The following POTEC variants were observed in gnomAD, a reference collection of about 807,000 sequenced individuals.
POTEC encodes the protein ANKRD26-like family B member 2.
A neutral mutation model predicts 62.0 loss-of-function variants in POTEC; 35 were observed. That is an observed-to-expected ratio of 0.56 (90% CI 0.43 to 0.75). The LOEUF (loss-of-function observed/expected upper bound fraction) is 0.75. Ranked by LOEUF, POTEC falls within the 30% of genes least tolerant of loss-of-function variation. The probability of loss-of-function intolerance (pLI) is 0.00; values close to 1 mark genes in which losing one functional copy is unlikely to be tolerated. For synonymous variants in POTEC, 156 were observed against 221.5 expected (o/e 0.70, Z 2.62); for missense variants, 472 against 655.9 (o/e 0.72, Z 3.06).
intron 6 of POTEC, among the ~76,000 whole-genome samples, chr18:14,526,648 T>C (rs1158077656): frequency 6.6e-6 from 1 of 151,958 alleles, no homozygotes; most frequent in East Asian, 1.9e-4. Context: ...AGAGTGAAAG[T>C]ATTTGCCTGC....
chr18:14,526,747 A>G (rs1910447537), intron 6 of POTEC, among the ~76,000 whole-genome samples: 1 of 152,202 alleles, frequency 6.6e-6, no homozygotes, highest in Non-Finnish European at 1.5e-5. Flanking sequence ...GATGTAGAGT[A>G]GGGCAGAAGT....
rs1450052006 is a variant in POTEC at position 14,525,680 on chromosome 18, A to G, written c.1127-697T>C. Reference sequence around the variant, plus strand: ...TATAAGCCAAGCCCTGTCTTTGTTCAGGGCTCAGGTTTTTGATGCAAATCC... The same window carrying G: ...TATAAGCCAAGCCCTGTCTTTGTTCGGGGCTCAGGTTTTTGATGCAAATCC... On this transcript the variant is annotated intron_variant, in intron 6 of 10. Transcript: ENST00000358970. Among the ~76,000 whole-genome samples the G allele has an allele frequency of 5.3e-5, 8 of 151,794 alleles. No homozygotes were observed. The East Asian group carries it at 1.2e-3, about 22-fold the overall frequency.
At position 14,524,436 on chromosome 18, in the gene POTEC, C is replaced by A. The variant is rs1224455983; in HGVS notation, c.1197+477G>T. ...CCGTGATTATTCTTCAACCATGAAT[C>A]CAGCTCAGGGACCTTCAGTGTTACA... On this transcript the variant is annotated intron_variant, in intron 7 of 10. Transcript: ENST00000358970. 3.9e-5 allele frequency among the ~76,000 whole-genome samples: 6 copies of A among 152,110 alleles called. No homozygotes were observed. The East Asian group carries it at 1.2e-3, about 29-fold the overall frequency.
intron 6 of POTEC, 126 bp from the exon 7 acceptor site, chr18:14,525,109 A>T: frequency 1.4e-6 from 2 of 1,391,704 alleles, no homozygotes; most frequent in Non-Finnish European, 1.9e-6. Flanking sequence ...TTAGTCTTTC[A>T]TGAAATAGTT....
rs143359875 is a variant in POTEC, at chr18:14,521,880, C to T, written c.1409+374G>A. On this transcript the variant is annotated intron_variant, in intron 9 of 10. Coordinates refer to ENST00000358970, the MANE Select transcript of POTEC (RefSeq NM_001137671.2). ...AGGGTGGAGTGTGGCAGGAGGGAGACGACCAAAAAACTACCTCTCGAGTAT... is the reference window on the plus strand; with the variant it reads ...AGGGTGGAGTGTGGCAGGAGGGAGATGACCAAAAAACTACCTCTCGAGTAT... 8.4e-3 allele frequency among the ~76,000 whole-genome samples: 1,279 copies of T among 152,094 alleles called. 17 individuals carry two copies. The highest frequency in any genetic ancestry group is 0.041 in the South Asian group (198 of 4,828).
intron 9 of POTEC, among the ~76,000 whole-genome samples, chr18:14,521,283 A>G (rs1425385147): frequency 6.6e-6 from 1 of 152,160 alleles, no homozygotes; most frequent in African/African-American, 2.4e-5. Flanking sequence ...AACACAGCAG[A>G]TATTACAAGA....
At chr18:14,535,600 C>T (rs1470651856) in intron 3 of POTEC, among the ~76,000 whole-genome samples, 1 of 151,022 alleles carries the variant, frequency 6.6e-6, no homozygotes, top group African/African-American at 2.4e-5. Context: ...AAGAGATTTC[C>T]TATCTGTATT....
intron 6 of POTEC, among the ~76,000 whole-genome samples, chr18:14,529,875 T>A (rs1905443642): frequency 6.6e-6 from 1 of 152,092 alleles, no homozygotes; most frequent in African/African-American, 2.4e-5. Context: ...TCTTTTGTGA[T>A]CAAAAATTCC....
intron 9 of POTEC, 129 bp from the exon 10 acceptor site, chr18:14,513,914 G>T: frequency 1.1e-5 from 17 of 1,529,148 alleles, no homozygotes; most frequent in Non-Finnish European, 1.5e-5. Flanking sequence ...AGACAAAGGG[G>T]TCTCACATCT....
intron 1 of POTEC, among the ~76,000 whole-genome samples, chr18:14,539,761 C>G (rs529504083): frequency 1.1e-4 from 17 of 152,134 alleles, no homozygotes; most frequent in Non-Finnish European, 2.1e-4. Context: ...TTCAGAAATG[C>G]TTTTGTTTGA....
rs1401265453 is a variant in POTEC at position 14,511,033 on chromosome 18, C to A, written c.*865G>T. ...ACTGGCTTAAACAAGAATCTGGCCA[C>A]GTTTTCGCAGGGTGGCTGTTCTGTG... On this transcript the variant is annotated 3_prime_UTR_variant, in exon 11 of 11. Transcript: ENST00000358970. 6.6e-6 allele frequency: 1 copy of A among 152,056 alleles called. No individual in the cohort carries two copies. The highest frequency in any genetic ancestry group is 1.5e-5 in the Non-Finnish European group (1 of 68,028). 9.4% of individuals were successfully genotyped at this position (152,056 alleles called of 1,614,324 possible).
In POTEC at chr18:14,508,760, G is replaced by A. The variant is rs1449650654; in HGVS notation, c.*3138C>T. 1 of 152,586 alleles carries A rather than the reference G, an allele frequency of 6.6e-6. No homozygotes were observed. Among genetic ancestry groups the A allele is most frequent in the South Asian group, 2.1e-4 (1 of 4,824 alleles). The allele number at this position is 152,586 out of a possible 1,614,324, so 9.5% of individuals were successfully genotyped here. ...AGCCTCAGCCCAGTTCTGAACACTT[G>A]CTGGAGAGTTGATGCAGTCATTTGG... On this transcript the variant is annotated 3_prime_UTR_variant, in exon 11 of 11. Transcript: ENST00000358970.
intron 8 of POTEC, 79 bp from the exon 9 acceptor site, chr18:14,522,499 G>A: frequency 6.5e-7 from 1 of 1,526,872 alleles, no homozygotes; most frequent in Non-Finnish European, 8.8e-7. Context: ...TTTATCAATT[G>A]ACTCAGTTTG....
At chr18:14,535,371 ATTG>A (rs1905679055) in intron 3 of POTEC, among the ~76,000 whole-genome samples, 3 of 151,414 alleles carry the variant, frequency 2.0e-5, no homozygotes, top group Admixed American at 2.0e-4. Context: ...CTAAGACAAA[ATTG>A]TTGTGTATAA....
At chr18:14,531,903 T>C (rs1905535071) in intron 5 of POTEC, 1 of 151,896 alleles carries the variant, frequency 6.6e-6, no homozygotes, top group Non-Finnish European at 1.5e-5. Flanking sequence ...AATGGCTTCC[T>C]GTGAGGTACA....
chr18:14,523,250 G>A (rs1360504934), intron 8 of POTEC, among the ~76,000 whole-genome samples: 3 of 149,098 alleles, frequency 2.0e-5, no homozygotes, highest in Non-Finnish European at 4.4e-5. Flanking sequence ...CACCATTCAG[G>A]ATTGTTCCAT....
chr18:14,535,071 C>G (rs1401279529), intron 3 of POTEC, 64 bp from the exon 4 acceptor site: 7 of 1,589,912 alleles, frequency 4.4e-6, no homozygotes, highest in African/African-American at 1.4e-5. Context: ...CTCAACTGAA[C>G]TGGAAGCTTA....
chr18:14,522,720 A>T (rs1910342402), intron 8 of POTEC, among the ~76,000 whole-genome samples: 1 of 151,856 alleles, frequency 6.6e-6, no homozygotes, highest in African/African-American at 2.4e-5. Context: ...ATTCCCAAAA[A>T]CTCTTCAGAA....
intron 5 of POTEC, among the ~76,000 whole-genome samples, chr18:14,531,335 T>TA (rs1179478099): frequency 6.7e-6 from 1 of 150,082 alleles, no homozygotes; most frequent in Non-Finnish European, 1.5e-5. Context: ...GATCCTTCTC[T>TA]ATAGACTCAA....
Sources: allele counts gnomAD v4.1 joint callset (sites outside exome capture counted in the v4.1 genomes callset), GRCh38; gene constraint gnomAD v4.1.1; transcripts MANE v1.5; gene names NCBI Gene and HGNC (gene_info 2026-07-23, HGNC 2026-07-21).